The following COL23A1 variants were observed in gnomAD, a reference collection of about 807,000 sequenced individuals.
COL23A1 encodes the protein collagen type XXIII alpha 1 chain.
In COL23A1, 97 loss-of-function variants were observed where a neutral mutation model predicts 99.3. The observed-to-expected ratio is 0.98, with a 90% CI of 0.83 to 1.16. The LOEUF (loss-of-function observed/expected upper bound fraction) is 1.16, where lower values mean the gene tolerates loss of function less well. COL23A1 is among the 50% of genes most tolerant of loss of function. The probability of loss-of-function intolerance (pLI) is 0.00; values close to 1 mark genes in which losing one functional copy is unlikely to be tolerated. For synonymous variants in COL23A1, 320 were observed against 308.2 expected (o/e 1.04, Z -0.40); for missense variants, 762 against 757.4 (o/e 1.01, Z -0.07).
At chr5:178,371,719 G>A (rs1477289617) in intron 2 of COL23A1, among the ~76,000 whole-genome samples, 1 of 152,144 alleles carries the variant, frequency 6.6e-6, no homozygotes, top group East Asian at 1.9e-4. Context: ...CTTCCCGATG[G>A]TGAGCTTCCC....
At chr5:178,424,112 G>A (rs79616965) in intron 2 of COL23A1, among the ~76,000 whole-genome samples, 6,468 of 152,178 alleles carry the variant, frequency 0.043, 333 homozygotes, top group African/African-American at 0.11. Context: ...GAAGTAACGC[G>A]CTTGCTCCCT....
chr5:178,453,370 AAG>A (rs927950297), intron 2 of COL23A1, among the ~76,000 whole-genome samples: 25 of 152,274 alleles, frequency 1.6e-4, no homozygotes, highest in African/African-American at 6.0e-4. Context: ...TATTAGAAGA[AAG>A]AGCATGATGG....
At chr5:178,497,730 A>G (rs995338168) in intron 2 of COL23A1, among the ~76,000 whole-genome samples, 7 of 152,218 alleles carry the variant, frequency 4.6e-5, no homozygotes, top group African/African-American at 1.7e-4. Context: ...AAATAAAAAC[A>G]TTTAATGGGT....
chr5:178,270,470 G>A lies in COL23A1; in HGVS notation c.442-107C>T. Reference sequence around the variant, plus strand: ...AGTGACAAGAAAACAAAGCCTGTGGGAGCCCCGCGTCTGGGTTCAGTCCAT... The same window carrying A: ...AGTGACAAGAAAACAAAGCCTGTGGAAGCCCCGCGTCTGGGTTCAGTCCAT... On this transcript the variant is annotated intron_variant, in intron 5 of 28. Transcript: ENST00000390654. 1.0e-5 allele frequency: 14 copies of A among 1,367,196 alleles called. 1 individual carries two copies. The South Asian group carries it at 1.6e-4, about 16-fold the overall frequency. 84.7% of individuals were successfully genotyped at this position (1,367,196 alleles called of 1,614,324 possible). A position where few individuals can be genotyped will look rare whatever the true frequency, so the allele number is the denominator to read the frequency against.
chr5:178,452,420 C>T (rs1010949029), intron 2 of COL23A1, among the ~76,000 whole-genome samples: 1 of 152,130 alleles, frequency 6.6e-6, no homozygotes, highest in African/African-American at 2.4e-5. Context: ...GGAGAAAAAG[C>T]TTTTGGAAGT....
chr5:178,492,220 T>A (rs1562020282), intron 2 of COL23A1, among the ~76,000 whole-genome samples: 1 of 152,202 alleles, frequency 6.6e-6, no homozygotes, highest in Non-Finnish European at 1.5e-5. Context: ...GGCCATGTTA[T>A]GAACTGTATT....
At chr5:178,247,125 G>T (rs765118823) in intron 22 of COL23A1, among the ~76,000 whole-genome samples, 18 of 147,282 alleles carry the variant, frequency 1.2e-4, no homozygotes, top group Non-Finnish European at 2.4e-4. Flanking sequence ...CCAAGCCCAA[G>T]ACTTTGTGCT....
At chr5:178,442,111 C>T (rs577093921) in intron 2 of COL23A1, among the ~76,000 whole-genome samples, 2 of 151,980 alleles carry the variant, frequency 1.3e-5, no homozygotes, top group African/African-American at 2.4e-5. Flanking sequence ...GGTCAGACCC[C>T]GAGCCTGGCC....
At chr5:178,479,905 G>C (rs1757239823) in intron 2 of COL23A1, among the ~76,000 whole-genome samples, 1 of 152,126 alleles carries the variant, frequency 6.6e-6, no homozygotes. Context: ...AACCTAGATG[G>C]GGCGGCCTAC....
At chr5:178,548,616 A>G (rs490019) in intron 2 of COL23A1, among the ~76,000 whole-genome samples, 131,878 of 149,602 alleles carry the variant, frequency 0.88, 58,427 homozygotes, top group African/African-American at 0.97. Context: ...GCAGTGGCGC[A>G]ATCTCGGCTC....
At chr5:178,260,793 T>C (rs967706710) in intron 11 of COL23A1, among the ~76,000 whole-genome samples, 10 of 151,154 alleles carry the variant, frequency 6.6e-5, no homozygotes, top group African/African-American at 2.4e-4. Context: ...AGACTCCATC[T>C]CAAAAAAAAA....
At chr5:178,548,858 AACTT>A (rs1430172960) in intron 2 of COL23A1, among the ~76,000 whole-genome samples, 2 of 152,212 alleles carry the variant, frequency 1.3e-5, no homozygotes, top group African/African-American at 4.8e-5. Flanking sequence ...AAACAACAAA[AACTT>A]AAATAAAAAT....
chr5:178,570,449 C>A (rs1264428455), intron 1 of COL23A1, among the ~76,000 whole-genome samples: 1 of 152,038 alleles, frequency 6.6e-6, no homozygotes, highest in African/African-American at 2.4e-5. Context: ...TGGTTATGTA[C>A]ATATGTACAC....
At chr5:178,343,716 G>A (rs933078169) in intron 2 of COL23A1, among the ~76,000 whole-genome samples, 1 of 150,838 alleles carries the variant, frequency 6.6e-6, no homozygotes, top group Non-Finnish European at 1.5e-5. Context: ...AGGCTGGAGC[G>A]CAGTGGCGTG....
chr5:178,325,625 G>C (rs1267792149), intron 2 of COL23A1, among the ~76,000 whole-genome samples: 2 of 152,314 alleles, frequency 1.3e-5, no homozygotes, highest in African/African-American at 4.8e-5. Context: ...AGCACACTGG[G>C]ATGGAGCCGT....
intron 2 of COL23A1, among the ~76,000 whole-genome samples, chr5:178,541,359 G>A (rs752686363): frequency 2.6e-5 from 4 of 152,168 alleles, no homozygotes; most frequent in Non-Finnish European, 4.4e-5. Context: ...AGGCCAAGGC[G>A]GGTGGATCAC....
chr5:178,338,588 G>GGGTAGCTCCTGAGTCAC (rs1561875088), intron 2 of COL23A1, among the ~76,000 whole-genome samples: 1 of 147,584 alleles, frequency 6.8e-6, no homozygotes. Flanking sequence ...TGGGTCACTG[G>GGGTAGCTCCTGAGTCAC]CCAGCACCGG....
intron 2 of COL23A1, among the ~76,000 whole-genome samples, chr5:178,477,665 C>T (rs1757104537): frequency 6.6e-6 from 1 of 152,318 alleles, no homozygotes; most frequent in Admixed American, 6.5e-5. Context: ...AAATGCAAAA[C>T]AGCCTGAACC....
At chr5:178,403,455 C>G (rs1191393459) in intron 2 of COL23A1, among the ~76,000 whole-genome samples, 2 of 152,208 alleles carry the variant, frequency 1.3e-5, no homozygotes, top group Non-Finnish European at 2.9e-5. Flanking sequence ...ATTGCAACAG[C>G]CCCTTGAAGG....
Sources: allele counts gnomAD v4.1 joint callset (sites outside exome capture counted in the v4.1 genomes callset), GRCh38; gene constraint gnomAD v4.1.1; transcripts MANE v1.5; gene names NCBI Gene and HGNC (gene_info 2026-07-23, HGNC 2026-07-21).